TNKS: variants seen among roughly 807,000 people sequenced by gnomAD.
TNKS encodes the protein tankyrase.
In TNKS, 72 loss-of-function variants were observed where a neutral mutation model predicts 135.8. The observed-to-expected ratio is 0.53, with a 90% CI of 0.44 to 0.64. TNKS has a LOEUF of 0.64. Among genes scored for constraint, TNKS ranks in the 30% least tolerant of loss-of-function variants. TNKS has a pLI of 0.00. For missense variants in TNKS, 1,769 were observed against 1,674.0 expected (o/e 1.06, Z -0.99); for synonymous variants, 849 against 649.3 (o/e 1.31, Z -4.68).
intron 20 of TNKS, among the ~76,000 whole-genome samples, chr8:9,759,943 A>C (rs1007103830): frequency 1.3e-5 from 2 of 151,398 alleles, no homozygotes; most frequent in African/African-American, 4.9e-5. Context: ...GCGCCACTGC[A>C]CTCCAGCCGG....
At chr8:9,626,208 A>C (rs887207470) in intron 3 of TNKS, among the ~76,000 whole-genome samples, 1 of 152,240 alleles carries the variant, frequency 6.6e-6, no homozygotes, top group Non-Finnish European at 1.5e-5. Flanking sequence ...ATGTTAACAT[A>C]GCCACTCCTG....
chr8:9,720,634 C>T, intron 12 of TNKS, 89 bp downstream of exon 12: 1 of 1,372,792 alleles, frequency 7.3e-7, no homozygotes, highest in South Asian at 1.7e-5. Flanking sequence ...GTTTACTTTG[C>T]CTGAAGTTTT....
intron 3 of TNKS, among the ~76,000 whole-genome samples, chr8:9,652,285 C>G (rs528337566): frequency 7.2e-4 from 109 of 152,266 alleles, no homozygotes; most frequent in Middle Eastern, 3.4e-3. Flanking sequence ...TTTTATCGAT[C>G]TCAATAAGGT....
In TNKS at chr8:9,574,676, A is replaced by T. The variant is rs1235906360; in HGVS notation, c.674-5483A>T. On this transcript the variant is annotated intron_variant, in intron 1 of 26. Coordinates refer to ENST00000310430, the MANE Select transcript of TNKS (RefSeq NM_003747.3). ...TGTACCCCAAATTTATTTTCTTCAA[A>T]TTCTTCACTAACAGATCTTAGATTT... 4.6e-5 allele frequency among the ~76,000 whole-genome samples: 7 copies of T among 152,196 alleles called. No homozygotes were observed. In the South Asian group the frequency reaches 1.2e-3, roughly 27 times the overall value.
At chr8:9,576,057 C>T (rs1797932992) in intron 1 of TNKS, among the ~76,000 whole-genome samples, 1 of 152,128 alleles carries the variant, frequency 6.6e-6, no homozygotes, top group Admixed American at 6.6e-5. Flanking sequence ...AACATATTTC[C>T]AGAAGCTTCT....
intron 2 of TNKS, among the ~76,000 whole-genome samples, chr8:9,610,312 GTAT>G (rs1252407269): frequency 2.0e-5 from 3 of 149,012 alleles, no homozygotes; most frequent in Non-Finnish European, 3.0e-5. Flanking sequence ...TATATATACT[GTAT>G]TATTACGGTA....
chr8:9,764,092 C>T (rs575071676), intron 22 of TNKS, among the ~76,000 whole-genome samples: 1 of 152,082 alleles, frequency 6.6e-6, no homozygotes, highest in Non-Finnish European at 1.5e-5. Context: ...TGTAGTGACT[C>T]TTCACAAGTG....
At position 9,746,247 on chromosome 8, in the gene TNKS, C is replaced by G. The variant is rs188130872; in HGVS notation, c.2644-1777C>G. Among the ~76,000 whole-genome samples the G allele has an allele frequency of 1.9e-4, 29 of 152,238 alleles. No homozygotes were observed. In the East Asian group the frequency reaches 5.0e-3, roughly 26 times the overall value. On this transcript the variant is annotated intron_variant, in intron 17 of 26. Coordinates refer to ENST00000310430, the MANE Select transcript of TNKS (RefSeq NM_003747.3). ...CAGAAATACTTAAGTGCTAACCAGC[C>G]TAACATCCTAAATGTATTTATAAAA...
chr8:9,659,660 A>G (rs917160799), intron 3 of TNKS, among the ~76,000 whole-genome samples: 9 of 152,208 alleles, frequency 5.9e-5, no homozygotes, highest in Non-Finnish European at 1.2e-4. Context: ...ACACCCTAAC[A>G]TCACAATTAA....
intron 3 of TNKS, 136 bp from the exon 4 acceptor site, chr8:9,679,815 C>G (rs1585319198): frequency 3.1e-6 from 2 of 644,284 alleles, no homozygotes; most frequent in South Asian, 4.2e-5. Flanking sequence ...TGGCTAACGT[C>G]ACGGCTCCAT....
intron 11 of TNKS, among the ~76,000 whole-genome samples, chr8:9,714,864 C>T (rs1421933487): frequency 6.6e-6 from 1 of 152,082 alleles, no homozygotes; most frequent in African/African-American, 2.4e-5. Flanking sequence ...TTAATAAAAC[C>T]AGCAGTTGGA....
intron 3 of TNKS, among the ~76,000 whole-genome samples, chr8:9,634,216 A>G (rs1800415030): frequency 6.6e-6 from 1 of 151,910 alleles, no homozygotes; most frequent in African/African-American, 2.4e-5. Flanking sequence ...TAAGTAGACC[A>G]TGCCATTTTG....
At chr8:9,625,943 T>C (rs1171923579) in intron 3 of TNKS, among the ~76,000 whole-genome samples, 1 of 152,204 alleles carries the variant, frequency 6.6e-6, no homozygotes, top group Non-Finnish European at 1.5e-5. Flanking sequence ...GATGGTATCA[T>C]TGAGTTCTAT....
At chr8:9,608,530 T>C (rs1006685016) in intron 2 of TNKS, among the ~76,000 whole-genome samples, 1 of 152,156 alleles carries the variant, frequency 6.6e-6, no homozygotes, top group African/African-American at 2.4e-5. Flanking sequence ...CTACTCACTT[T>C]GTTGTGCTCT....
At chr8:9,762,944 AC>A (rs567277906) in intron 21 of TNKS, among the ~76,000 whole-genome samples, 2 of 151,866 alleles carry the variant, frequency 1.3e-5, no homozygotes, top group South Asian at 4.2e-4. Context: ...CAGTCCCCAA[AC>A]ATCTTCATTT....
At chr8:9,657,456 C>T (rs1801443580) in intron 3 of TNKS, among the ~76,000 whole-genome samples, 3 of 94,626 alleles carry the variant, frequency 3.2e-5, no homozygotes, top group Non-Finnish European at 4.6e-5. Flanking sequence ...CCGGACAGGG[C>T]GGCTGGCCGG....
intron 3 of TNKS, among the ~76,000 whole-genome samples, chr8:9,655,802 G>C (rs1441082588): frequency 1.3e-5 from 2 of 151,490 alleles, no homozygotes; most frequent in Non-Finnish European, 2.9e-5. Flanking sequence ...AAAAACCAAA[G>C]CAGAAAAACC....
chr8:9,746,252 A>G (rs977622843), intron 17 of TNKS, among the ~76,000 whole-genome samples: 1 of 152,348 alleles, frequency 6.6e-6, no homozygotes, highest in Non-Finnish European at 1.5e-5. Context: ...CCAGCCTAAC[A>G]TCCTAAATGT....
chr8:9,674,986 G>C (rs1802475474), intron 3 of TNKS, among the ~76,000 whole-genome samples: 1 of 152,138 alleles, frequency 6.6e-6, no homozygotes, highest in Non-Finnish European at 1.5e-5. Flanking sequence ...TGATAACTTT[G>C]TAATTTACCC....
Sources: allele counts gnomAD v4.1 joint callset (sites outside exome capture counted in the v4.1 genomes callset), GRCh38; gene constraint gnomAD v4.1.1; transcripts MANE v1.5; gene names NCBI Gene and HGNC (gene_info 2026-07-23, HGNC 2026-07-21).